CHD7: variants seen among roughly 807,000 people sequenced by gnomAD.
The protein encoded by CHD7 is ATP-dependent chromatin remodeler CHD7.
CHD7 carries 24 observed loss-of-function variants against 307.3 expected under a neutral mutation model. That is an observed-to-expected ratio of 0.08 (90% confidence interval 0.06 to 0.11). CHD7 has a LOEUF of 0.11. Among genes scored for constraint, CHD7 ranks in the 10% least tolerant of loss-of-function variants. CHD7 has a pLI of 1.00. For missense variants in CHD7, 3,106 were observed against 3,727.1 expected, an observed-to-expected ratio of 0.83 and a Z score of 4.34; for synonymous variants, 1,363 against 1,349.9, an observed-to-expected ratio of 1.01 and a Z score of -0.21.
At chr8:60,849,669 C>T (rs905530348) in intron 25 of CHD7, among the ~76,000 whole-genome samples, 2 of 152,148 alleles carry the variant, frequency 1.3e-5, no homozygotes, top group Admixed American at 6.5e-5. Flanking sequence ...ATACAGTGAG[C>T]GATTCCTGAT....
In CHD7 at chr8:60,852,919, G is replaced by A. The variant is rs1197494895; in HGVS notation, c.6194G>A (p.Arg2065His). 1.2e-6 allele frequency: 2 copies of A among 1,613,858 alleles called. No individual in the cohort carries two copies. The highest frequency in any genetic ancestry group is 1.3e-5 in the African/African-American group (1 of 74,906). The change falls in exon 31 of 38, where the codon CGC (arginine) becomes CAC (histidine). Residue 2065 changes from arginine to histidine, a missense_variant. Physicochemically the swap from Arg to His is conservative, Grantham distance 29. This residue lies in a region of CHD7 where 1,030 missense variants were observed against 1,165.4 expected (regional missense o/e 0.88). Transcript: ENST00000423902. ...LYRIELLRKI[R>H]EQVLHHPQLG... ...CGCATTGAGCTGCTACGGAAGATCC[G>A]CGAGCAGGTTCTCCATCACCCCCAG...
intron 7 of CHD7, among the ~76,000 whole-genome samples, chr8:60,815,914 ACTG>A (rs1163507619): frequency 2.0e-5 from 3 of 152,166 alleles, no homozygotes; most frequent in Admixed American, 6.5e-5. Flanking sequence ...CTCCAAAGAA[ACTG>A]CTATTTTAAA....
chr8:60,722,081 C>T (rs1807935969), intron 1 of CHD7, among the ~76,000 whole-genome samples: 1 of 152,184 alleles, frequency 6.6e-6, no homozygotes, highest in Non-Finnish European at 1.5e-5. Flanking sequence ...CTTTTCTTCA[C>T]CAGATACGGC....
At chr8:60,689,510 A>G (rs1005704024) in intron 1 of CHD7, among the ~76,000 whole-genome samples, 4 of 152,246 alleles carry the variant, frequency 2.6e-5, no homozygotes, top group Non-Finnish European at 5.9e-5. Context: ...TGGGACTCAA[A>G]GCAGGACAGG....
At chr8:60,720,535 C>T (rs976607553) in intron 1 of CHD7, among the ~76,000 whole-genome samples, 3 of 152,154 alleles carry the variant, frequency 2.0e-5, no homozygotes, top group African/African-American at 4.8e-5. Context: ...TGGCCTTCTT[C>T]GTTTCCTTAA....
chr8:60,779,952 C>G (rs1228117106), intron 2 of CHD7, among the ~76,000 whole-genome samples: 1 of 152,102 alleles, frequency 6.6e-6, no homozygotes, highest in Non-Finnish European at 1.5e-5. Flanking sequence ...AGCATATATG[C>G]CTGGCACATA....
At chr8:60,736,177 G>T (rs575757191) in intron 1 of CHD7, among the ~76,000 whole-genome samples, 13 of 152,242 alleles carry the variant, frequency 8.5e-5, no homozygotes, top group African/African-American at 2.9e-4. Flanking sequence ...TTGGTGACTT[G>T]GGGGGCACTT....
chr8:60,751,955 G>A (rs1460008808), intron 2 of CHD7, among the ~76,000 whole-genome samples: 1 of 152,166 alleles, frequency 6.6e-6, no homozygotes, highest in East Asian at 1.9e-4. Context: ...AGGCTGCAAG[G>A]CACTTCCTTA....
chr8:60,843,546 G>A (rs1563650661), intron 21 of CHD7, among the ~76,000 whole-genome samples: 1 of 152,196 alleles, frequency 6.6e-6, no homozygotes, highest in Non-Finnish European at 1.5e-5. Context: ...ACTAGGGGTG[G>A]AGCTCTGAGC....
At chr8:60,684,588 A>C (rs1805790172) in intron 1 of CHD7, among the ~76,000 whole-genome samples, 1 of 152,130 alleles carries the variant, frequency 6.6e-6, no homozygotes, top group Non-Finnish European at 1.5e-5. Flanking sequence ...TACCATCTGA[A>C]TGATGGTAGA....
intron 1 of CHD7, among the ~76,000 whole-genome samples, chr8:60,715,555 G>A (rs573524523): frequency 5.8e-4 from 88 of 152,138 alleles, no homozygotes; most frequent in African/African-American, 2.0e-3. Context: ...CTGATCTCAG[G>A]GGATCCGCCT....
chr8:60,755,684 A>G (rs1267812702), intron 2 of CHD7, among the ~76,000 whole-genome samples: 1 of 152,188 alleles, frequency 6.6e-6, no homozygotes, highest in Non-Finnish European at 1.5e-5. Flanking sequence ...ATTGTAATCT[A>G]TATACAATCT....
intron 2 of CHD7, among the ~76,000 whole-genome samples, chr8:60,747,442 G>T (rs1014956780): frequency 1.3e-5 from 2 of 152,050 alleles, no homozygotes; most frequent in African/African-American, 2.4e-5. Context: ...ACCATTATGT[G>T]TTAACATACA....
intron 7 of CHD7, chr8:60,809,667 TGAAAAAAAA>T (rs1563619398): frequency 4.0e-5 from 2 of 49,536 alleles, no homozygotes. Flanking sequence ...AAGGGAGTTT[TGAAAAAAAA>T]AAAAAAAAAA....
At chr8:60,732,671 C>T (rs1350441813) in intron 1 of CHD7, among the ~76,000 whole-genome samples, 3 of 152,114 alleles carry the variant, frequency 2.0e-5, no homozygotes, top group Non-Finnish European at 4.4e-5. Context: ...AGCCTTTATA[C>T]ACCACCCTGG....
chr8:60,857,650 G>A (rs535233751), intron 34 of CHD7, among the ~76,000 whole-genome samples: 72 of 152,302 alleles, frequency 4.7e-4, no homozygotes, highest in African/African-American at 1.6e-3. Context: ...GTTGTGAGGA[G>A]TGGGTGCTCC....
intron 1 of CHD7, among the ~76,000 whole-genome samples, chr8:60,679,361 C>G (rs1805445814): frequency 7.7e-6 from 1 of 130,506 alleles, no homozygotes; most frequent in South Asian, 2.5e-4. Flanking sequence ...TCCGCCGGGC[C>G]GGCGGCGGCG....
At chr8:60,698,710 A>G (rs1331570704) in intron 1 of CHD7, among the ~76,000 whole-genome samples, 1 of 152,260 alleles carries the variant, frequency 6.6e-6, no homozygotes, top group Admixed American at 6.5e-5. Context: ...TAAAGAGAAC[A>G]TGGAAATGAG....
At position 60,806,178 on chromosome 8, in the gene CHD7, C is replaced by T. The variant is rs186397169; in HGVS notation, c.2443-2039C>T. ...GAGATTGAGACCATCCTGTCTAACACGGTGAAACCCCGTCTCTACTAAAAA... is the reference window on the plus strand; with the variant it reads ...GAGATTGAGACCATCCTGTCTAACATGGTGAAACCCCGTCTCTACTAAAAA... On this transcript the variant is annotated intron_variant, in intron 6 of 37. Transcript: ENST00000423902. Among the ~76,000 whole-genome samples, 108 of 152,154 alleles carry T rather than the reference C, an allele frequency of 7.1e-4. 1 individual carries two copies. The highest frequency in any genetic ancestry group is 9.6e-4 in the Non-Finnish European group (65 of 67,994).
Sources: allele counts gnomAD v4.1 joint callset (sites outside exome capture counted in the v4.1 genomes callset), GRCh38; gene constraint gnomAD v4.1.1; regional missense constraint gnomAD v4.1.1; transcripts MANE v1.5; gene names NCBI Gene and HGNC (gene_info 2026-07-23, HGNC 2026-07-21).